MAST1: variants seen among roughly 807,000 people sequenced by gnomAD.
MAST1 encodes microtubule-associated serine/threonine-protein kinase 1.
Under a neutral mutation model 124.6 loss-of-function variants are expected in MAST1, and 40 were observed. The ratio of observed to expected loss-of-function variants is 0.32; its 90% CI spans 0.25 to 0.42. The LOEUF is 0.42. MAST1 is among the 10% of genes least tolerant of loss of function. The probability of loss-of-function intolerance (pLI) is 1.00; values close to 1 mark genes in which losing one functional copy is unlikely to be tolerated. For missense variants in MAST1, 1,558 were observed against 2,181.9 expected (o/e 0.71, Z 5.70); for synonymous variants, 938 against 939.4 (o/e 1.00, Z 0.03).
intron 25 of MAST1, 21 bp downstream of exon 25, chr19:12,873,532 G>C (rs769832111): frequency 2.5e-6 from 4 of 1,593,234 alleles, no homozygotes; most frequent in Non-Finnish European, 2.6e-6. Flanking sequence ...CTGCACCTGC[G>C]CGGGGACCGA....
In MAST1 at chr19:12,869,293, T is replaced by G. The variant is rs1483119756; in HGVS notation, c.3001T>G (p.Trp1001Gly). 2 of 1,612,400 alleles carry G rather than the reference T, an allele frequency of 1.2e-6. No homozygotes were observed. The highest frequency in any genetic ancestry group is 1.7e-6 in the Non-Finnish European group (2 of 1,179,088). Reference protein sequence around the residue: ...TDVYSVHHIVWHVEEGGPAQE... With the variant: ...TDVYSVHHIVGHVEEGGPAQE... ...TGTCTATAGTGTCCACCACATTGTCTGGGTGAGTACTCATGGGTGGAGTCT... is the reference window on the plus strand; with the variant it reads ...TGTCTATAGTGTCCACCACATTGTCGGGGTGAGTACTCATGGGTGGAGTCT... The change falls in exon 22 of 26, where the codon TGG becomes GGG. Residue 1001 changes from tryptophan to glycine, a missense_variant and splice_region_variant. By Grantham distance (184) the Trp-to-Gly change is radical. Coordinates refer to ENST00000251472, the MANE Select transcript of MAST1 (RefSeq NM_014975.3).
In MAST1 at chr19:12,874,891, G is replaced by A. The variant is rs777634353; in HGVS notation, c.*21G>A. 8.2e-6 allele frequency: 13 copies of A among 1,579,980 alleles called. No individual in the cohort carries two copies. Among genetic ancestry groups the A allele is most frequent in the Non-Finnish European group, 1.1e-5 (13 of 1,167,416 alleles). The stretch of plus-strand genomic sequence containing the variant: ...CATAGCCAAGGGGGTCATCGGCCCC[G>A]CGCTGTACAGCCTCCGTATACATAT... On this transcript the variant is annotated 3_prime_UTR_variant, in exon 26 of 26. Transcript: ENST00000251472. The surrounding 1 kb of genome is among the most constrained non-coding windows in gnomAD (Gnocchi z 6.6).
Position 12,865,924 on chromosome 19 carries a change from C to A in MAST1, c.1907-56C>A. 1 of 1,610,356 alleles carries A rather than the reference C, an allele frequency of 6.2e-7. No homozygotes were observed. Among genetic ancestry groups the A allele is most frequent in the Non-Finnish European group, 8.5e-7 (1 of 1,177,724 alleles). ...GCCCCGGGGCGGAAGACATGGGGGG[C>A]GGGGCTGGGCTGCTGGGTTGGCCAT... On this transcript the variant is annotated intron_variant, in intron 16 of 25. Coordinates refer to ENST00000251472, the MANE Select transcript of MAST1 (RefSeq NM_014975.3). This position sits in a 1 kb window ranked among gnomAD's most constrained non-coding sequence, Gnocchi z 7.1.
chr19:12,866,835 G>A lies in MAST1; in HGVS notation c.2139+73G>A, dbSNP rs1316639064. On this transcript the variant is annotated intron_variant, in intron 18 of 25. Transcript: ENST00000251472. The surrounding 1 kb of genome is among the most constrained non-coding windows in gnomAD (Gnocchi z 5.2). The stretch of plus-strand genomic sequence containing the variant: ...GGGCTTGGAGAGACAGTGAGAAACA[G>A]GTTCCCTGGTGCCCAAGGTCTCAGG... 2 of 1,270,850 alleles carry A rather than the reference G, an allele frequency of 1.6e-6. No individual in the cohort carries two copies. The highest frequency in any genetic ancestry group is 2.5e-5 in the East Asian group (1 of 39,862). 78.7% of individuals were successfully genotyped at this position (1,270,850 alleles called of 1,614,324 possible).
At chr19:12,862,275 G>A (rs1970093588) in intron 12 of MAST1, among the ~76,000 whole-genome samples, 1 of 152,150 alleles carries the variant, frequency 6.6e-6, no homozygotes, top group African/African-American at 2.4e-5. Context: ...GAAGTATGGG[G>A]ATTACAGGCG....
rs760046593 is a variant in MAST1, at chr19:12,873,893, G to C, written c.3736G>C (p.Val1246Leu). ...PAKLHSSPPVVRPRPKSAEPP... is the reference protein window; with the variant it reads ...PAKLHSSPPVLRPRPKSAEPP... ...CAAACTGCACTCATCGCCTCCCGTC[G>C]TGCGCCCGCGCCCCAAGAGTGCCGA... is the stretch of plus-strand genomic sequence containing the variant. The change falls in exon 26 of 26, where the codon GTG becomes CTG. Residue 1246 changes from valine to leucine, a missense_variant. Around this residue, in one of 10 missense-constraint regions of MAST1, gnomAD observed 291 missense variants for 475.8 expected, o/e 0.61. Transcript: ENST00000251472. The C allele has an allele frequency of 3.2e-6, 5 of 1,580,022 alleles. No homozygotes were observed. Among genetic ancestry groups the C allele is most frequent in the Admixed American group, 1.8e-5 (1 of 55,958 alleles).
chr19:12,858,860 A>G (rs1970047559), intron 12 of MAST1, 121 bp downstream of exon 12: 2 of 883,296 alleles, frequency 2.3e-6, no homozygotes, highest in Non-Finnish European at 3.6e-6. Context: ...TTATCCATCT[A>G]TTTATTTCTC....
intron 12 of MAST1, among the ~76,000 whole-genome samples, chr19:12,863,341 C>T (rs559958980): frequency 1.3e-5 from 2 of 152,050 alleles, no homozygotes; most frequent in South Asian, 2.1e-4. Context: ...GGTCTGTGTG[C>T]ACAATAGATG....
chr19:12,872,440 G>T (rs1446904366), intron 24 of MAST1, among the ~76,000 whole-genome samples: 2 of 152,174 alleles, frequency 1.3e-5, no homozygotes, highest in Non-Finnish European at 2.9e-5. Flanking sequence ...GTTTTGTTTG[G>T]ATGTGTTTCT....
chr19:12,844,492 T>A (rs951704651), intron 4 of MAST1, among the ~76,000 whole-genome samples: 7 of 152,164 alleles, frequency 4.6e-5, no homozygotes, highest in Non-Finnish European at 8.8e-5. Flanking sequence ...AGAACTTTGA[T>A]GCAAGTAGCA....
intron 7 of MAST1, chr19:12,848,605 C>A (rs879272093): frequency 4.6e-5 from 7 of 151,968 alleles, no homozygotes; most frequent in African/African-American, 1.7e-4. Flanking sequence ...CCAGCCTGGG[C>A]GACAGAGCGA....
intron 7 of MAST1, 105 bp downstream of exon 7, chr19:12,848,162 G>T: frequency 9.5e-7 from 1 of 1,055,466 alleles, no homozygotes; most frequent in South Asian, 1.5e-5. Flanking sequence ...CTCCTACCAC[G>T]TTCCAGGCAC....
At chr19:12,844,272 T>C (rs1969865537) in intron 4 of MAST1, among the ~76,000 whole-genome samples, 1 of 152,212 alleles carries the variant, frequency 6.6e-6, no homozygotes, top group Non-Finnish European at 1.5e-5. Context: ...GCTCACCCCT[T>C]GGAACACCCA....
chr19:12,840,223 C>G (rs1247217367), intron 1 of MAST1, among the ~76,000 whole-genome samples: 1 of 152,244 alleles, frequency 6.6e-6, no homozygotes, highest in Admixed American at 6.5e-5. Flanking sequence ...TACACATAAT[C>G]CATACTGAGA....
chr19:12,874,608 T>G lies in MAST1; in HGVS notation c.4451T>G (p.Val1484Gly). The G allele has an allele frequency of 6.6e-7, 1 of 1,511,220 alleles. No individual in the cohort carries two copies. 93.6% of individuals were successfully genotyped at this position (1,511,220 alleles called of 1,614,324 possible). The stretch of plus-strand genomic sequence containing the variant: ...GGCCGGGAGCGCTGGGTGTTGGAGG[T>G]GGTGGAGGAGCGCACCACGCTGAGC... ...PRGRERWVLE[V>G]VEERTTLSGP... Residue 1484 changes from valine to glycine, a missense_variant, in exon 26 of 26, where the codon GTG becomes GGG. By Grantham distance (109) the Val-to-Gly change is moderately radical. Transcript: ENST00000251472. The surrounding 1 kb of genome is among the most constrained non-coding windows in gnomAD (Gnocchi z 6.6).
At chr19:12,870,050 G>A (rs192362053) in intron 22 of MAST1, among the ~76,000 whole-genome samples, 146 of 150,618 alleles carry the variant, frequency 9.7e-4, no homozygotes, top group Middle Eastern at 3.4e-3. Context: ...GCATGGTGGT[G>A]GGCGCCTGTA....
intron 12 of MAST1, among the ~76,000 whole-genome samples, chr19:12,859,295 G>C (rs971432729): frequency 1.3e-5 from 2 of 152,140 alleles, no homozygotes. Context: ...TGCCAGGCTA[G>C]TCTTGAACTC....
rs965594510 is a variant in MAST1 at position 12,838,875 on chromosome 19, C to G, written c.83+220C>G. On this transcript the variant is annotated intron_variant, in intron 1 of 25. Transcript: ENST00000251472. This position sits in a 1 kb window ranked among gnomAD's most constrained non-coding sequence, Gnocchi z 4.3. ...AGAGGACGGCCGCGGGGGGAGGGGG[C>G]TGCGCCACTGGGGGTTTGTGGCGCC... Among the ~76,000 whole-genome samples, 8 of 151,600 alleles carry G rather than the reference C, an allele frequency of 5.3e-5. No homozygotes were observed. The highest frequency in any genetic ancestry group is 4.6e-4 in the Admixed American group (7 of 15,216).
chr19:12,868,591 G>A, intron 20 of MAST1, 52 bp from the exon 21 acceptor site: 1 of 1,460,008 alleles, frequency 6.8e-7, no homozygotes, highest in East Asian at 2.3e-5. Context: ...AACAGTATGT[G>A]GGAAATCCCT....
Sources: allele counts gnomAD v4.1 joint callset (sites outside exome capture counted in the v4.1 genomes callset), GRCh38; gene constraint gnomAD v4.1.1; regional missense constraint gnomAD v4.1.1; non-coding constraint Gnocchi (gnomAD v3.1); transcripts MANE v1.5; gene names NCBI Gene and HGNC (gene_info 2026-07-23, HGNC 2026-07-21).